Variants in USP3 observed in about 807,000 individuals in gnomAD.
USP3 encodes the protein ubiquitin specific peptidase 3.
A neutral mutation model predicts 72.3 loss-of-function variants in USP3; 20 were observed. The observed-to-expected ratio is 0.28, with a 90% confidence interval of 0.19 to 0.40. USP3 has a LOEUF of 0.40. Among genes scored for constraint, USP3 ranks in the 10% least tolerant of loss-of-function variants. The pLI is 1.00. For missense variants in USP3, 479 were observed against 633.9 expected (o/e 0.76, Z 2.62); for synonymous variants, 222 against 225.3 (o/e 0.99, Z 0.13).
intron 6 of USP3, among the ~76,000 whole-genome samples, chr15:63,559,289 G>C (rs952111577): frequency 2.6e-4 from 40 of 152,142 alleles, no homozygotes; most frequent in Non-Finnish European, 4.4e-5. Flanking sequence ...TTTGAAAGTT[G>C]CATACTTTTA....
At chr15:63,586,878 G>A (rs534008532) in intron 11 of USP3, 1 of 152,160 alleles carries the variant, frequency 6.6e-6, no homozygotes, top group Non-Finnish European at 1.5e-5. Context: ...GAATTGAGTT[G>A]TAGGGAGGCA....
intron 1 of USP3, among the ~76,000 whole-genome samples, chr15:63,509,085 A>T (rs2065749897): frequency 6.6e-6 from 1 of 152,186 alleles, no homozygotes; most frequent in African/African-American, 2.4e-5. Context: ...TCAGGTTGTG[A>T]TAAAGAGAAG....
chr15:63,555,022 C>T (rs2066488372), intron 4 of USP3, among the ~76,000 whole-genome samples: 1 of 152,132 alleles, frequency 6.6e-6, no homozygotes, highest in Non-Finnish European at 1.5e-5. Context: ...GTGGTGATGT[C>T]CTTCACCCTC....
chr15:63,534,940 AT>A (rs1350149865), intron 2 of USP3, among the ~76,000 whole-genome samples: 1 of 151,620 alleles, frequency 6.6e-6, no homozygotes, highest in East Asian at 1.9e-4. Flanking sequence ...TTATTTATTT[AT>A]TTACTTATTG....
chr15:63,545,474 T>C (rs949536458), intron 3 of USP3, among the ~76,000 whole-genome samples: 1 of 152,190 alleles, frequency 6.6e-6, no homozygotes, highest in Admixed American at 6.5e-5. Context: ...TACTTGTCTG[T>C]CTTAGAAGTA....
rs745466471 is a variant in USP3, at chr15:63,504,845, G to A, written c.91+15G>A. 3 of 1,585,052 alleles carry A rather than the reference G, an allele frequency of 1.9e-6. No homozygotes were observed. The highest frequency in any genetic ancestry group is 1.7e-6 in the Non-Finnish European group (2 of 1,167,934). On this transcript the variant is annotated intron_variant, in intron 1 of 14. Transcript: ENST00000380324. ...GTGCTGCAGCGGTGAGTGCGGCCAC[G>A]GGCCGGCCCCGCAGCGCACCCGAGG...
rs1404126772 is a variant in USP3, at chr15:63,593,513, G to A, written c.*2687G>A. ...CAAATGGAACTTCAGCAACACGTTGGACTACTTTGTCGGGCAGAGTGGTCT... is the reference window on the plus strand; with the variant it reads ...CAAATGGAACTTCAGCAACACGTTGAACTACTTTGTCGGGCAGAGTGGTCT... On this transcript the variant is annotated 3_prime_UTR_variant, in exon 15 of 15. Transcript: ENST00000380324. 1.3e-5 allele frequency: 2 copies of A among 152,238 alleles called. No individual in the cohort carries two copies. Among genetic ancestry groups the A allele is most frequent in the Non-Finnish European group, 2.9e-5 (2 of 68,036 alleles). 9.4% of individuals were successfully genotyped at this position (152,238 alleles called of 1,614,324 possible). A position where few individuals can be genotyped will look rare whatever the true frequency, so the allele number is the denominator to read the frequency against.
In USP3 at chr15:63,553,259, A is replaced by T. The variant is rs539078636; in HGVS notation, c.285-456A>T. 2 of 152,422 alleles carry T rather than the reference A, an allele frequency of 1.3e-5. No homozygotes were observed. Among genetic ancestry groups the T allele is most frequent in the Non-Finnish European group, 2.9e-5 (2 of 68,180 alleles). 9.4% of individuals were successfully genotyped at this position (152,422 alleles called of 1,614,324 possible). A position where few individuals can be genotyped will look rare whatever the true frequency, so the allele number is the denominator to read the frequency against. On this transcript the variant is annotated intron_variant, in intron 3 of 14. Transcript: ENST00000380324. The surrounding 1 kb of genome is among the most constrained non-coding windows in gnomAD (Gnocchi z 4.2). ...CTTTAACTTTAGTTTTTCTATTCAGATATCCCTACAGGTTAATTACCTCTT... is the reference window on the plus strand; with the variant it reads ...CTTTAACTTTAGTTTTTCTATTCAGTTATCCCTACAGGTTAATTACCTCTT...
chr15:63,537,042 C>CA lies in USP3; in HGVS notation c.177dup (p.His60ThrfsTer3), dbSNP rs1284890442. Reference sequence around the variant, plus strand: ...TTTGTAAGGTATGTGAATGGCCATGCAAAAAAACATTATGAAGATGCACAA... The same window carrying CA: ...TTTGTAAGGTATGTGAATGGCCATGCAAAAAAAACATTATGAAGATGCACAA... On this transcript the variant is annotated frameshift_variant, in exon 3 of 15. Transcript: ENST00000380324. LOFTEE classifies it high-confidence loss of function. 1 of 1,612,390 alleles carries CA rather than the reference C, an allele frequency of 6.2e-7. No individual in the cohort carries two copies. The highest frequency in any genetic ancestry group is 8.5e-7 in the Non-Finnish European group (1 of 1,179,328).
intron 8 of USP3, among the ~76,000 whole-genome samples, chr15:63,567,492 G>A (rs928079209): frequency 3.9e-5 from 6 of 152,008 alleles, no homozygotes; most frequent in Non-Finnish European, 5.9e-5. Context: ...GACTACAGGC[G>A]CCTGCAACCA....
chr15:63,575,458 T>C (rs1263366042), intron 11 of USP3, among the ~76,000 whole-genome samples: 1 of 152,138 alleles, frequency 6.6e-6, no homozygotes, highest in African/African-American at 2.4e-5. Flanking sequence ...GCAGCAGAGG[T>C]CTCAGACACT....
intron 11 of USP3, among the ~76,000 whole-genome samples, chr15:63,582,343 C>G (rs2066978616): frequency 6.6e-6 from 1 of 152,142 alleles, no homozygotes; most frequent in Admixed American, 6.5e-5. Context: ...AGGGGAACTC[C>G]CCAGGAGGCC....
rs1462666032 is a variant in USP3, at chr15:63,528,969, G to A, written c.92-3678G>A. ...ATTCCCCAAAGCAATGCCATTTATT[G>A]GCTTCAGAATCCCTCATAATACCCT... On this transcript the variant is annotated intron_variant, in intron 1 of 14. Coordinates refer to ENST00000380324, the MANE Select transcript of USP3 (RefSeq NM_006537.4). This position sits in a 1 kb window ranked among gnomAD's most constrained non-coding sequence, Gnocchi z 4.3. 5.5e-6 allele frequency: 7 copies of A among 1,269,734 alleles called. No homozygotes were observed. The highest frequency in any genetic ancestry group is 1.5e-5 in the African/African-American group (1 of 65,320). The allele number at this position is 1,269,734 out of a possible 1,614,324, so 78.7% of individuals were successfully genotyped here.
In USP3 at chr15:63,528,784, G is replaced by A. The variant is rs1344977446; in HGVS notation, c.92-3863G>A. 6.6e-6 allele frequency among the ~76,000 whole-genome samples: 1 copy of A among 152,124 alleles called. No individual in the cohort carries two copies. The highest frequency in any genetic ancestry group is 1.5e-5 in the Non-Finnish European group (1 of 68,010). On this transcript the variant is annotated intron_variant, in intron 1 of 14. Transcript: ENST00000380324. The surrounding 1 kb of genome is among the most constrained non-coding windows in gnomAD (Gnocchi z 4.3). The stretch of plus-strand genomic sequence containing the variant: ...AGGTGATTAAAATAAATGGTTTTAA[G>A]ATTATCTGTAGTATTCTTTTATTTG...
At chr15:63,507,616 G>A (rs879727309) in intron 1 of USP3, among the ~76,000 whole-genome samples, 5 of 152,144 alleles carry the variant, frequency 3.3e-5, no homozygotes, top group African/African-American at 4.8e-5. Flanking sequence ...TGCTTTACAG[G>A]GAGATACAGA....
Position 63,588,202 on chromosome 15 carries a change from A to T in USP3, c.1097-103A>T. The T allele has an allele frequency of 1.2e-6, 1 of 849,628 alleles. No individual in the cohort carries two copies. The highest frequency in any genetic ancestry group is 1.8e-6 in the Non-Finnish European group (1 of 548,940). The allele number at this position is 849,628 out of a possible 1,614,324, so 52.6% of individuals were successfully genotyped here. On this transcript the variant is annotated intron_variant, in intron 11 of 14. Transcript: ENST00000380324. The surrounding 1 kb of genome is among the most constrained non-coding windows in gnomAD (Gnocchi z 4.6). ...GAAAGGTTAACTTTTCTAAGGTCGT[A>T]TAGCTAATAAAGCTGAGATTTTAAA...
At chr15:63,511,899 C>G (rs1439746094) in intron 1 of USP3, among the ~76,000 whole-genome samples, 1 of 150,578 alleles carries the variant, frequency 6.6e-6, no homozygotes, top group Non-Finnish European at 1.5e-5. Context: ...AATTGTATTT[C>G]CTGTAAAAGT....
Position 63,593,748 on chromosome 15 carries a change from C to T in USP3, c.*2922C>T, listed in dbSNP as rs192651383. 1 of 152,378 alleles carries T rather than the reference C, an allele frequency of 6.6e-6. No homozygotes were observed. Among genetic ancestry groups the T allele is most frequent in the African/African-American group, 2.4e-5 (1 of 41,588 alleles). The allele number at this position is 152,378 out of a possible 1,614,324, so 9.4% of individuals were successfully genotyped here. ...TTTTTAACTGTGCAGCCTTACCACA[C>T]CTATTTTGAAAGCTGATCTTTTGTC... On this transcript the variant is annotated 3_prime_UTR_variant, in exon 15 of 15. Coordinates refer to ENST00000380324, the MANE Select transcript of USP3 (RefSeq NM_006537.4).
intron 7 of USP3, among the ~76,000 whole-genome samples, chr15:63,560,373 G>A (rs8031838): frequency 0.094 from 13,901 of 148,528 alleles, 723 homozygotes; most frequent in Middle Eastern, 0.15. Flanking sequence ...CCGAGATCGC[G>A]CCACTGCCCT....
Sources: allele counts gnomAD v4.1 joint callset (sites outside exome capture counted in the v4.1 genomes callset), GRCh38; gene constraint gnomAD v4.1.1; non-coding constraint Gnocchi (gnomAD v3.1); transcripts MANE v1.5; gene names NCBI Gene and HGNC (gene_info 2026-07-23, HGNC 2026-07-21).